LCP1: variants seen among roughly 807,000 people sequenced by gnomAD.
The protein encoded by LCP1 is plastin-2.
In LCP1, 23 loss-of-function variants were observed where a neutral mutation model predicts 72.0. The observed-to-expected ratio is 0.32, with a 90% CI of 0.23 to 0.45. LCP1 has a LOEUF of 0.45. Among genes scored for constraint, LCP1 ranks in the 20% least tolerant of loss-of-function variants. The probability of loss-of-function intolerance (pLI) is 1.00; values close to 1 mark genes in which losing one functional copy is unlikely to be tolerated. For missense variants in LCP1, 571 were observed against 748.3 expected, an observed-to-expected ratio of 0.76 and a Z score of 2.76; for synonymous variants, 245 against 275.4, an observed-to-expected ratio of 0.89 and a Z score of 1.09.
At chr13:46,152,653 A>C in intron 7 of LCP1, 127 bp downstream of exon 7, 4 of 887,774 alleles carry the variant, frequency 4.5e-6, no homozygotes, top group Non-Finnish European at 6.7e-6. Context: ...TGACATGAAT[A>C]CCATGGAATC....
intron 13 of LCP1, among the ~76,000 whole-genome samples, chr13:46,135,467 A>G (rs1318617803): frequency 6.6e-6 from 1 of 152,164 alleles, no homozygotes; most frequent in Admixed American, 6.5e-5. Context: ...GCTCCTATGG[A>G]CAGTACAGTT....
intron 1 of LCP1, among the ~76,000 whole-genome samples, chr13:46,169,272 C>A (rs554223833): frequency 6.6e-6 from 1 of 152,188 alleles, no homozygotes; most frequent in Non-Finnish European, 1.5e-5. Flanking sequence ...AATATAATTT[C>A]ATGTATGTTT....
chr13:46,132,158 G>T (rs891085294), intron 14 of LCP1, among the ~76,000 whole-genome samples: 27 of 152,086 alleles, frequency 1.8e-4, no homozygotes, highest in African/African-American at 6.0e-4. Context: ...AGGAGAAAAT[G>T]AGCCCCGAGT....
intron 13 of LCP1, among the ~76,000 whole-genome samples, chr13:46,141,405 C>CAAAAAAAA (rs762462829): frequency 3.8e-5 from 2 of 52,314 alleles, no homozygotes; most frequent in Non-Finnish European, 6.6e-5. Context: ...GACTCTGTCT[C>CAAAAAAAA]AAAAAAAAAA....
rs1566436557 is a variant in LCP1 at position 46,143,216 on chromosome 13, ATAAAG to A, written c.1368+69_1368+73del. The A allele has an allele frequency of 4.1e-6, 4 of 976,156 alleles. No individual in the cohort carries two copies. In the African/African-American group the frequency reaches 4.9e-5, roughly 12 times the overall value. The allele number at this position is 976,156 out of a possible 1,614,324, so 60.5% of individuals were successfully genotyped here. On this transcript the variant is annotated intron_variant, in intron 12 of 15. Coordinates refer to ENST00000323076, the MANE Select transcript of LCP1 (RefSeq NM_002298.5). ...TTACTTGTCTACGTTTGGCTGCCTT[ATAAAG>A]TATTTAGAGTGCTCTTGCAGGCTAT...
intron 13 of LCP1, among the ~76,000 whole-genome samples, chr13:46,135,409 T>C (rs918059157): frequency 1.3e-5 from 2 of 152,192 alleles, no homozygotes; most frequent in African/African-American, 4.8e-5. Flanking sequence ...ACTTGTGTGC[T>C]CTAGGATTTT....
At chr13:46,163,884 T>G (rs575246524) in intron 1 of LCP1, among the ~76,000 whole-genome samples, 1 of 152,246 alleles carries the variant, frequency 6.6e-6, no homozygotes, top group Non-Finnish European at 1.5e-5. Context: ...TATCCACATA[T>G]GCATGAATAG....
chr13:46,151,991 C>T (rs1281182935), intron 7 of LCP1, among the ~76,000 whole-genome samples: 3 of 152,090 alleles, frequency 2.0e-5, no homozygotes, highest in Non-Finnish European at 4.4e-5. Flanking sequence ...ACTCTGAAAC[C>T]CTAAATGGAA....
intron 6 of LCP1, among the ~76,000 whole-genome samples, chr13:46,153,689 G>A (rs2045783223): frequency 1.4e-5 from 2 of 140,330 alleles, no homozygotes; most frequent in East Asian, 2.1e-4. Context: ...CGACAAGAGT[G>A]AAACTCCATC....
chr13:46,131,188 C>T (rs923186372), intron 14 of LCP1, among the ~76,000 whole-genome samples: 1 of 152,112 alleles, frequency 6.6e-6, no homozygotes, highest in Non-Finnish European at 1.5e-5. Context: ...AGGAAGTTAG[C>T]ACAACTAGAG....
intron 1 of LCP1, among the ~76,000 whole-genome samples, chr13:46,171,904 A>G (rs1183544170): frequency 2.0e-5 from 3 of 152,268 alleles, no homozygotes; most frequent in Non-Finnish European, 2.9e-5. Flanking sequence ...GATGGAAAAT[A>G]CAAGTATTCG....
At chr13:46,136,700 T>C (rs1441156348) in intron 13 of LCP1, among the ~76,000 whole-genome samples, 1 of 152,192 alleles carries the variant, frequency 6.6e-6, no homozygotes, top group African/African-American at 2.4e-5. Context: ...GCATATTAAG[T>C]TATTAGCATT....
At chr13:46,162,986 G>A (rs1030540393) in intron 1 of LCP1, among the ~76,000 whole-genome samples, 3 of 151,036 alleles carry the variant, frequency 2.0e-5, no homozygotes, top group African/African-American at 7.3e-5. Context: ...GTCTCCAGCC[G>A]GCAGCCGCCC....
chr13:46,142,511 A>G (rs1205166938), intron 12 of LCP1, 86 bp from the exon 13 acceptor site: 3 of 1,419,724 alleles, frequency 2.1e-6, no homozygotes, highest in African/African-American at 1.4e-5. Context: ...AAGATAAAAA[A>G]TGAAATAAAT....
intron 15 of LCP1, among the ~76,000 whole-genome samples, chr13:46,130,340 C>A (rs1212717344): frequency 6.6e-6 from 1 of 152,146 alleles, no homozygotes; most frequent in African/African-American, 2.4e-5. Context: ...GAAAAGCAGA[C>A]AACAGGGCAG....
Position 46,146,400 on chromosome 13 carries a change from T to G in LCP1, c.1174+508A>C, listed in dbSNP as rs2045731115. ...GAACGTAATTAAAGCTATATGCTTTTTGTTGAATCTTAGAGCATTAACCTG... is the reference window on the plus strand; with the variant it reads ...GAACGTAATTAAAGCTATATGCTTTGTGTTGAATCTTAGAGCATTAACCTG... On this transcript the variant is annotated intron_variant, in intron 10 of 15. Coordinates refer to ENST00000323076, the MANE Select transcript of LCP1 (RefSeq NM_002298.5). Among the ~76,000 whole-genome samples the G allele has an allele frequency of 2.0e-5, 3 of 152,354 alleles. No homozygotes were observed. In the South Asian group the frequency reaches 6.2e-4, roughly 32 times the overall value.
At chr13:46,153,265 C>T (rs1335431442) in intron 6 of LCP1, 4 of 192,496 alleles carry the variant, frequency 2.1e-5, no homozygotes, top group Non-Finnish European at 4.2e-5. Context: ...CACAAAACAT[C>T]TCTATTGGCC....
chr13:46,176,669 C>T (rs373984236), intron 1 of LCP1, among the ~76,000 whole-genome samples: 16 of 152,230 alleles, frequency 1.1e-4, no homozygotes, highest in African/African-American at 3.9e-4. Context: ...CATTAATTCA[C>T]TTCCCTCTAG....
At chr13:46,146,705 C>T (rs1165854307) in intron 10 of LCP1, among the ~76,000 whole-genome samples, 8 of 152,098 alleles carry the variant, frequency 5.3e-5, no homozygotes, top group Non-Finnish European at 1.5e-5. Context: ...TGTTAATGGA[C>T]GTGATAGAAT....
Sources: allele counts gnomAD v4.1 joint callset (sites outside exome capture counted in the v4.1 genomes callset), GRCh38; gene constraint gnomAD v4.1.1; transcripts MANE v1.5; gene names NCBI Gene and HGNC (gene_info 2026-07-23, HGNC 2026-07-21).